CFAP20DC: variants seen among roughly 807,000 people sequenced by gnomAD.
CFAP20DC encodes the protein CFAP20 domain containing.
A neutral mutation model predicts 101.7 loss-of-function variants in CFAP20DC; 84 were observed. That is an observed-to-expected ratio of 0.83 (90% confidence interval 0.69 to 0.99). The LOEUF is 0.99. Ranked by LOEUF, CFAP20DC falls within the 50% of genes least tolerant of loss-of-function variation. The probability of loss-of-function intolerance (pLI) is 0.00; values close to 1 mark genes in which losing one functional copy is unlikely to be tolerated. For synonymous variants in CFAP20DC, 359 were observed against 351.2 expected, an observed-to-expected ratio of 1.02 and a Z score of -0.25; for missense variants, 1,007 against 970.3, an observed-to-expected ratio of 1.04 and a Z score of -0.50.
At chr3:58,752,833 C>A (rs974101139) in intron 16 of CFAP20DC, among the ~76,000 whole-genome samples, 1 of 151,782 alleles carries the variant, frequency 6.6e-6, no homozygotes, top group African/African-American at 2.4e-5. Flanking sequence ...TTCCCTGGGG[C>A]AGTTAGGAAA....
intron 3 of CFAP20DC, among the ~76,000 whole-genome samples, chr3:58,719,400 C>T (rs1250822761): frequency 1.3e-5 from 2 of 152,182 alleles, no homozygotes; most frequent in African/African-American, 4.8e-5. Flanking sequence ...AATTTGCACA[C>T]CAGCTTCAGT....
intron 12 of CFAP20DC, chr3:58,862,462 T>A: frequency 1.0e-6 from 1 of 985,418 alleles, no homozygotes; most frequent in Non-Finnish European, 1.2e-6. Flanking sequence ...GTAGGTTATG[T>A]TTGGTATGAC....
Position 58,870,319 on chromosome 3 carries a change from T to C in CFAP20DC, c.716-10A>G. The C allele has an allele frequency of 6.2e-7, 1 of 1,612,340 alleles. No homozygotes were observed. The highest frequency in any genetic ancestry group is 1.1e-5 in the South Asian group (1 of 90,942). On this transcript the variant is annotated splice_polypyrimidine_tract_variant and intron_variant, in intron 7 of 16. Coordinates refer to ENST00000482387, the MANE Select transcript of CFAP20DC (RefSeq NM_001394063.1). ...CTGTTAATGAACTGATCTGTTTTGT[T>C]AAAGGAAGGTAATAATAGTCCATTA...
chr3:58,757,754 T>C (rs1056012974), intron 15 of CFAP20DC, among the ~76,000 whole-genome samples: 1 of 152,124 alleles, frequency 6.6e-6, no homozygotes, highest in Non-Finnish European at 1.5e-5. Context: ...TTTTACCTCT[T>C]TAAAATAACC....
At chr3:59,018,364 A>G (rs1472898183) in intron 4 of CFAP20DC, 22 of 152,110 alleles carry the variant, frequency 1.4e-4, no homozygotes, top group Admixed American at 1.4e-3. Flanking sequence ...ATAAAGTCTC[A>G]AATTATATCC....
intron 4 of CFAP20DC, among the ~76,000 whole-genome samples, chr3:58,961,466 A>G (rs2091130745): frequency 6.6e-6 from 1 of 152,148 alleles, no homozygotes; most frequent in Non-Finnish European, 1.5e-5. Context: ...AGGCAGGTGA[A>G]TTGCTTGAAC....
intron 5 of CFAP20DC, among the ~76,000 whole-genome samples, chr3:58,921,455 A>G (rs1389719544): frequency 1.3e-5 from 2 of 152,134 alleles, no homozygotes; most frequent in Non-Finnish European, 2.9e-5. Flanking sequence ...ATCATTTAAA[A>G]TCAGCTATAC....
chr3:58,949,778 A>G (rs542913208), intron 4 of CFAP20DC, among the ~76,000 whole-genome samples: 3 of 152,358 alleles, frequency 2.0e-5, no homozygotes, highest in Admixed American at 6.5e-5. Context: ...TCTCAAAATA[A>G]TAAGAGCTAT....
At chr3:58,841,866 T>G (rs73837975) in intron 13 of CFAP20DC, among the ~76,000 whole-genome samples, 1 of 152,228 alleles carries the variant, frequency 6.6e-6, no homozygotes, top group African/African-American at 2.4e-5. Context: ...GTCTGTTATA[T>G]AAGTCTTTTG....
At position 58,842,349 on chromosome 3, in the gene CFAP20DC, C is replaced by T. The variant is rs570234215; in HGVS notation, c.1971+6683G>A. Among the ~76,000 whole-genome samples, 5 of 152,308 alleles carry T rather than the reference C, an allele frequency of 3.3e-5. No individual in the cohort carries two copies. The South Asian group carries it at 6.2e-4, about 19-fold the overall frequency. The stretch of plus-strand genomic sequence containing the variant: ...GAAGCAGGGCGAGGCATTGCCTCAC[C>T]TGGGAAGCGCAAGGGGTCAGGGAGT... On this transcript the variant is annotated intron_variant, in intron 13 of 16. Transcript: ENST00000482387.
At chr3:58,937,589 A>G (rs369007424) in intron 5 of CFAP20DC, 59 bp downstream of exon 5, 379 of 1,043,528 alleles carry the variant, frequency 3.6e-4, no homozygotes, top group Non-Finnish European at 5.3e-4. Flanking sequence ...GAGTCAGCCC[A>G]TAAGTAATAT....
intron 6 of CFAP20DC, among the ~76,000 whole-genome samples, chr3:58,886,740 A>G: frequency 6.6e-6 from 1 of 152,090 alleles, no homozygotes; most frequent in East Asian, 1.9e-4. Flanking sequence ...AAGAAAAAAA[A>G]GTGTGAATGG....
chr3:58,912,375 T>C lies in CFAP20DC; in HGVS notation c.550+1333A>G, dbSNP rs189554753. Among the ~76,000 whole-genome samples, 73 of 152,308 alleles carry C rather than the reference T, an allele frequency of 4.8e-4. No individual in the cohort carries two copies. Among genetic ancestry groups the C allele is most frequent in the African/African-American group, 1.4e-3 (60 of 41,588 alleles). On this transcript the variant is annotated intron_variant, in intron 6 of 16. Coordinates refer to ENST00000482387, the MANE Select transcript of CFAP20DC (RefSeq NM_001394063.1). This position sits in a 1 kb window ranked among gnomAD's most constrained non-coding sequence, Gnocchi z 4.4. ...CTCGTATAGTCTGTAAGTGGGTACA[T>C]AAGATGAGCAGCCACACTGTGGTGT...
At chr3:58,803,118 C>T (rs1352390143) in intron 15 of CFAP20DC, among the ~76,000 whole-genome samples, 2 of 152,150 alleles carry the variant, frequency 1.3e-5, no homozygotes, top group Non-Finnish European at 2.9e-5. Flanking sequence ...TTAGGATCTT[C>T]GGTCTCTGGA....
chr3:58,762,075 C>A (rs1159930555), intron 15 of CFAP20DC, among the ~76,000 whole-genome samples: 1 of 152,140 alleles, frequency 6.6e-6, no homozygotes, highest in Non-Finnish European at 1.5e-5. Flanking sequence ...GAGCTGAGTT[C>A]AATTCCTGGA....
At chr3:58,754,605 A>G (rs2068799430) in intron 15 of CFAP20DC, among the ~76,000 whole-genome samples, 1 of 152,118 alleles carries the variant, frequency 6.6e-6, no homozygotes, top group Admixed American at 6.6e-5. Context: ...TGTGAATTCT[A>G]TTTCTTGCAC....
At chr3:58,838,825 A>C (rs2076910962) in intron 13 of CFAP20DC, among the ~76,000 whole-genome samples, 1 of 152,206 alleles carries the variant, frequency 6.6e-6, no homozygotes, top group Non-Finnish European at 1.5e-5. Flanking sequence ...CAAGCTTAAC[A>C]ATTAACTATA....
intron 4 of CFAP20DC, among the ~76,000 whole-genome samples, chr3:59,029,345 A>G (rs2093948017): frequency 6.6e-6 from 1 of 152,190 alleles, no homozygotes; most frequent in African/African-American, 2.4e-5. Flanking sequence ...TAATGAAGGA[A>G]AAGAAAAGGG....
intron 4 of CFAP20DC, among the ~76,000 whole-genome samples, chr3:58,981,722 A>C (rs2092554936): frequency 6.6e-6 from 1 of 152,258 alleles, no homozygotes; most frequent in Non-Finnish European, 1.5e-5. Context: ...TGGATTGAAG[A>C]CTTACATGTT....
Sources: allele counts gnomAD v4.1 joint callset (sites outside exome capture counted in the v4.1 genomes callset), GRCh38; gene constraint gnomAD v4.1.1; non-coding constraint Gnocchi (gnomAD v3.1); transcripts MANE v1.5; gene names NCBI Gene and HGNC (gene_info 2026-07-23, HGNC 2026-07-21).